PRKD1: variants seen among roughly 807,000 people sequenced by gnomAD.
PRKD1 encodes serine/threonine-protein kinase D1.
Under a neutral mutation model 95.9 loss-of-function variants are expected in PRKD1, and 63 were observed. The ratio of observed to expected loss-of-function variants is 0.66; its 90% CI spans 0.54 to 0.81. PRKD1 has a LOEUF of 0.81. PRKD1 is among the 30% of genes least tolerant of loss of function. The probability of loss-of-function intolerance (pLI) is 0.00; values close to 1 mark genes in which losing one functional copy is unlikely to be tolerated. For missense variants in PRKD1, 1,048 were observed against 1,165.3 expected (o/e 0.90, Z 1.47); for synonymous variants, 425 against 423.1 (o/e 1.00, Z -0.05).
intron 4 of PRKD1, among the ~76,000 whole-genome samples, chr14:29,644,683 C>T (rs1004717355): frequency 2.0e-5 from 3 of 151,838 alleles, no homozygotes; most frequent in Non-Finnish European, 4.4e-5. Context: ...AAAGTGTTTT[C>T]TATCATTATC....
At chr14:29,855,899 T>C (rs1892480970) in intron 1 of PRKD1, among the ~76,000 whole-genome samples, 1 of 152,196 alleles carries the variant, frequency 6.6e-6, no homozygotes, top group Admixed American at 6.5e-5. Flanking sequence ...TCCACCATGA[T>C]TGTGAGGCCT....
chr14:29,908,649 C>G (rs1482585583), intron 1 of PRKD1, among the ~76,000 whole-genome samples: 1 of 152,004 alleles, frequency 6.6e-6, no homozygotes, highest in Non-Finnish European at 1.5e-5. Flanking sequence ...GAAAAACAAA[C>G]AAAAAAATAG....
At chr14:29,774,814 G>A (rs1017250362) in intron 1 of PRKD1, among the ~76,000 whole-genome samples, 1 of 152,160 alleles carries the variant, frequency 6.6e-6, no homozygotes, top group Non-Finnish European at 1.5e-5. Flanking sequence ...TCATTCCAAA[G>A]CTTCAAACAG....
At chr14:29,877,909 T>C (rs1285067823) in intron 1 of PRKD1, among the ~76,000 whole-genome samples, 2 of 152,038 alleles carry the variant, frequency 1.3e-5, no homozygotes, top group East Asian at 1.9e-4. Flanking sequence ...TAAATGTTCA[T>C]AAATGGCCGA....
intron 1 of PRKD1, among the ~76,000 whole-genome samples, chr14:29,769,107 G>C (rs1423565587): frequency 6.6e-6 from 1 of 152,148 alleles, no homozygotes; most frequent in Non-Finnish European, 1.5e-5. Context: ...CAAGAGATAA[G>C]AGTCCTGAAA....
chr14:29,826,490 ATG>A (rs1351695015), intron 1 of PRKD1, among the ~76,000 whole-genome samples: 191 of 70,472 alleles, frequency 2.7e-3, no homozygotes, highest in Middle Eastern at 0.014. Context: ...GATGGAATAT[ATG>A]TATACATATA....
At chr14:29,798,009 ATATT>A (rs1389384999) in intron 1 of PRKD1, among the ~76,000 whole-genome samples, 1 of 152,220 alleles carries the variant, frequency 6.6e-6, no homozygotes, top group African/African-American at 2.4e-5. Flanking sequence ...ATCTCACTAC[ATATT>A]GAAACTTAAG....
chr14:29,625,492 A>C (rs903849529), intron 12 of PRKD1, among the ~76,000 whole-genome samples: 2 of 151,702 alleles, frequency 1.3e-5, no homozygotes, highest in East Asian at 3.9e-4. Context: ...CCCTTGTCTC[A>C]CCCCTATACG....
At chr14:29,872,632 G>A (rs1224868009) in intron 1 of PRKD1, among the ~76,000 whole-genome samples, 1 of 150,722 alleles carries the variant, frequency 6.6e-6, no homozygotes, top group African/African-American at 2.4e-5. Flanking sequence ...CTCCAGCCTG[G>A]GCAACAGAGT....
chr14:29,586,288 T>C (rs1168470805), intron 16 of PRKD1, among the ~76,000 whole-genome samples: 4 of 152,248 alleles, frequency 2.6e-5, no homozygotes, highest in Admixed American at 6.5e-5. Context: ...GGATAATTTC[T>C]GCTCAGAAGT....
chr14:29,662,513 C>G (rs939632620), intron 4 of PRKD1, among the ~76,000 whole-genome samples: 2 of 152,008 alleles, frequency 1.3e-5, no homozygotes, highest in African/African-American at 2.4e-5. Flanking sequence ...TTAGTACCTG[C>G]CTTCTCCAAC....
chr14:29,813,733 T>C (rs1566615388), intron 1 of PRKD1, among the ~76,000 whole-genome samples: 1 of 152,200 alleles, frequency 6.6e-6, no homozygotes, highest in East Asian at 1.9e-4. Flanking sequence ...ATGCTTGCAC[T>C]CTGACCTGTT....
chr14:29,889,318 A>G (rs552648323), intron 1 of PRKD1, among the ~76,000 whole-genome samples: 1 of 152,324 alleles, frequency 6.6e-6, no homozygotes, highest in South Asian at 2.1e-4. Flanking sequence ...ATTGACGCAG[A>G]AGATGGGTGA....
chr14:29,798,471 A>C (rs760600534), intron 1 of PRKD1, among the ~76,000 whole-genome samples: 1 of 152,196 alleles, frequency 6.6e-6, no homozygotes, highest in Non-Finnish European at 1.5e-5. Flanking sequence ...CAGAACATTA[A>C]GGATCCATGT....
At chr14:29,670,484 T>C (rs947407347) in intron 2 of PRKD1, among the ~76,000 whole-genome samples, 1 of 152,228 alleles carries the variant, frequency 6.6e-6, no homozygotes, top group Non-Finnish European at 1.5e-5. Flanking sequence ...TAATTATATA[T>C]AACATAGGAT....
intron 1 of PRKD1, among the ~76,000 whole-genome samples, chr14:29,919,471 AC>A (rs112510384): frequency 0.12 from 17,900 of 152,204 alleles, 2,355 homozygotes; most frequent in African/African-American, 0.33. Flanking sequence ...AAGAAACAGA[AC>A]AACGTGAATT....
In PRKD1 at chr14:29,747,318, A is replaced by G. The variant is rs542168121; in HGVS notation, c.265-21644T>C. ...GGAAAGTAACAGGTATTAGGATGAA[A>G]AGAAGTTGGAACACCTGTACATTGC... On this transcript the variant is annotated intron_variant, in intron 1 of 17. Transcript: ENST00000331968. Among the ~76,000 whole-genome samples the G allele has an allele frequency of 3.1e-4, 47 of 152,336 alleles. 1 individual carries two copies. In the Middle Eastern group the frequency reaches 0.01, roughly 33 times the overall value.
At chr14:29,625,538 C>A (rs1221682144) in intron 12 of PRKD1, among the ~76,000 whole-genome samples, 2 of 152,142 alleles carry the variant, frequency 1.3e-5, no homozygotes, top group East Asian at 1.9e-4. Flanking sequence ...ATCTATCTAC[C>A]ATAATTTTTT....
At chr14:29,712,831 G>T (rs996962952) in intron 2 of PRKD1, among the ~76,000 whole-genome samples, 1 of 152,118 alleles carries the variant, frequency 6.6e-6, no homozygotes, top group Non-Finnish European at 1.5e-5. Context: ...TGAGAGTGCT[G>T]GGCAGATGGT....
Sources: gnomAD v4.1 joint callset for allele counts (sites outside exome capture counted in the v4.1 genomes callset) on GRCh38, gnomAD v4.1.1 for gene constraint, MANE v1.5 for transcripts, NCBI Gene and HGNC (gene_info 2026-07-23, HGNC 2026-07-21) for gene names.